Variants in ARHGAP28 observed in about 807,000 individuals in gnomAD.
ARHGAP28 encodes the protein rho GTPase-activating protein 28.
A neutral mutation model predicts 90.7 loss-of-function variants in ARHGAP28; 56 were observed. The ratio of observed to expected loss-of-function variants is 0.62; its 90% CI spans 0.50 to 0.77. The LOEUF is 0.77. Among genes scored for constraint, ARHGAP28 ranks in the 30% least tolerant of loss-of-function variants. The probability of loss-of-function intolerance (pLI) is 0.00; values close to 1 mark genes in which losing one functional copy is unlikely to be tolerated. For missense variants in ARHGAP28, 869 were observed against 900.9 expected (o/e 0.96, Z 0.45); for synonymous variants, 308 against 323.3 (o/e 0.95, Z 0.51).
intron 10 of ARHGAP28, among the ~76,000 whole-genome samples, chr18:6,876,928 A>C (rs1567979289): frequency 6.6e-6 from 1 of 152,112 alleles, no homozygotes; most frequent in Non-Finnish European, 1.5e-5. Flanking sequence ...AAAACATCCC[A>C]CTGTGTCTGC....
At chr18:6,785,635 G>A (rs115499663) in intron 1 of ARHGAP28, among the ~76,000 whole-genome samples, 1,535 of 152,248 alleles carry the variant, frequency 0.01, 22 homozygotes, top group African/African-American at 0.034. Context: ...AACCCTTATT[G>A]TATGATAAAC....
intron 1 of ARHGAP28, among the ~76,000 whole-genome samples, chr18:6,795,464 C>G (rs1345241750): frequency 6.6e-6 from 1 of 152,198 alleles, no homozygotes; most frequent in Non-Finnish European, 1.5e-5. Context: ...CACACACATT[C>G]TTTTGCTCTA....
intron 2 of ARHGAP28, among the ~76,000 whole-genome samples, chr18:6,827,418 A>G (rs1255380912): frequency 4.7e-5 from 6 of 128,826 alleles, no homozygotes; most frequent in African/African-American, 1.8e-4. Context: ...AGGGGGGTTG[A>G]CCCCCCCACC....
intron 1 of ARHGAP28, among the ~76,000 whole-genome samples, chr18:6,824,358 G>A (rs1261684967): frequency 6.6e-6 from 1 of 151,990 alleles, no homozygotes; most frequent in Non-Finnish European, 1.5e-5. Context: ...CCAACGTGGT[G>A]AAACCCCGTC....
intron 1 of ARHGAP28, among the ~76,000 whole-genome samples, chr18:6,772,532 A>G (rs1279159194): frequency 6.6e-6 from 1 of 152,188 alleles, no homozygotes; most frequent in Non-Finnish European, 1.5e-5. Context: ...ACAGTATTCA[A>G]TACATTATAT....
At chr18:6,859,754 C>T in intron 4 of ARHGAP28, 54 bp from the exon 5 acceptor site, 1 of 1,521,234 alleles carries the variant, frequency 6.6e-7, no homozygotes, top group Non-Finnish European at 9.1e-7. Context: ...AATACACAAA[C>T]ACATTAGAAA....
intron 1 of ARHGAP28, among the ~76,000 whole-genome samples, chr18:6,783,485 G>A (rs2056342421): frequency 7.1e-6 from 1 of 141,618 alleles, no homozygotes. Flanking sequence ...ATTTTTAGTA[G>A]AGACGGGGTT....
At chr18:6,778,637 G>T (rs1390504558) in intron 1 of ARHGAP28, among the ~76,000 whole-genome samples, 1 of 152,136 alleles carries the variant, frequency 6.6e-6, no homozygotes, top group East Asian at 1.9e-4. Context: ...ATACCTGTAG[G>T]ATTTCTCGTG....
At chr18:6,752,582 C>G in intron 1 of ARHGAP28, among the ~76,000 whole-genome samples, 1 of 152,140 alleles carries the variant, frequency 6.6e-6, no homozygotes, top group East Asian at 1.9e-4. Flanking sequence ...ACAAAGATTC[C>G]AGTCTCAGCA....
chr18:6,896,574 A>AG lies in ARHGAP28; in HGVS notation c.1978_1979insG (p.Asn660ArgfsTer16). 1.2e-6 allele frequency: 2 copies of AG among 1,614,214 alleles called. No individual in the cohort carries two copies. Among genetic ancestry groups the AG allele is most frequent in the Non-Finnish European group, 8.5e-7 (1 of 1,180,030 alleles). On this transcript the variant is annotated frameshift_variant, in exon 16 of 18. Coordinates refer to ENST00000383472, the MANE Select transcript of ARHGAP28 (RefSeq NM_001366230.1). LOFTEE classifies it high-confidence loss of function. ...CAAGGTGTCCATGGCCATTCAACTCAACAATCAAACCAAAGCCAAAGACAT... is the reference window on the plus strand; with the variant it reads ...CAAGGTGTCCATGGCCATTCAACTCAGACAATCAAACCAAAGCCAAAGACAT...
At chr18:6,853,828 T>C (rs2143295709) in intron 4 of ARHGAP28, among the ~76,000 whole-genome samples, 1 of 152,308 alleles carries the variant, frequency 6.6e-6, no homozygotes, top group South Asian at 2.1e-4. Flanking sequence ...CTTCAAGTTG[T>C]TCCACCTTTC....
intron 14 of ARHGAP28, among the ~76,000 whole-genome samples, chr18:6,892,307 C>T (rs2057272249): frequency 1.3e-5 from 2 of 152,028 alleles, no homozygotes; most frequent in African/African-American, 2.4e-5. Flanking sequence ...TGCCATCATG[C>T]CTGGCTAATT....
intron 2 of ARHGAP28, among the ~76,000 whole-genome samples, chr18:6,828,302 T>C (rs976018610): frequency 3.9e-5 from 6 of 152,018 alleles, no homozygotes; most frequent in Middle Eastern, 6.8e-3. Flanking sequence ...ATGGCAGCAG[T>C]ACAGTCCAGC....
At chr18:6,827,343 G>T (rs1371163343) in intron 2 of ARHGAP28, among the ~76,000 whole-genome samples, 1 of 149,036 alleles carries the variant, frequency 6.7e-6, no homozygotes, top group African/African-American at 2.5e-5. Flanking sequence ...CCTCCCGGAC[G>T]GGGCGGCTGG....
chr18:6,892,732 G>GT (rs1432550172), intron 14 of ARHGAP28, among the ~76,000 whole-genome samples: 2 of 152,160 alleles, frequency 1.3e-5, no homozygotes, highest in Non-Finnish European at 2.9e-5. Context: ...TTTGTTTTGT[G>GT]TGACTATGGA....
chr18:6,858,730 T>C (rs4798503), intron 4 of ARHGAP28, among the ~76,000 whole-genome samples: 5,518 of 152,020 alleles, frequency 0.036, 335 homozygotes, highest in East Asian at 0.28. Flanking sequence ...GGGGTTTCCC[T>C]ATGTTGGCCA....
chr18:6,832,040 G>A (rs1346780321), intron 2 of ARHGAP28, among the ~76,000 whole-genome samples: 2 of 151,828 alleles, frequency 1.3e-5, no homozygotes, highest in South Asian at 2.1e-4. Context: ...CTTTTTTCCT[G>A]GGTTCTTAAG....
At chr18:6,743,974 G>A (rs1181480833) in intron 1 of ARHGAP28, among the ~76,000 whole-genome samples, 3 of 152,212 alleles carry the variant, frequency 2.0e-5, no homozygotes, top group South Asian at 2.1e-4. Context: ...TGTATCCTTA[G>A]CATTTTAGCC....
rs776640886 is a variant in ARHGAP28, at chr18:6,870,739, A to G, written c.954+7A>G. The G allele has an allele frequency of 3.1e-6, 5 of 1,590,714 alleles. No homozygotes were observed. The highest frequency in any genetic ancestry group is 4.3e-6 in the Non-Finnish European group (5 of 1,173,670). ...AGAAGACTATGTTTTAACTGTAAGC[A>G]AAACCTTTCATGATTATTCCAGGAA... On this transcript the variant is annotated splice_region_variant and intron_variant, in intron 7 of 17. Transcript: ENST00000383472.
Sources: allele counts gnomAD v4.1 joint callset (sites outside exome capture counted in the v4.1 genomes callset), GRCh38; gene constraint gnomAD v4.1.1; transcripts MANE v1.5; gene names NCBI Gene and HGNC (gene_info 2026-07-23, HGNC 2026-07-21).